The following DAAM2 variants were observed in gnomAD, a reference collection of about 807,000 sequenced individuals.
DAAM2 encodes disheveled-associated activator of morphogenesis 2.
DAAM2 carries 39 observed loss-of-function variants against 120.7 expected under a neutral mutation model. That is an observed-to-expected ratio of 0.32 (90% confidence interval 0.25 to 0.42). The LOEUF is 0.42. Ranked by LOEUF, DAAM2 falls within the 10% of genes least tolerant of loss-of-function variation. DAAM2 has a pLI of 1.00. For synonymous variants in DAAM2, 488 were observed against 524.9 expected, an observed-to-expected ratio of 0.93 and a Z score of 0.96; for missense variants, 1,283 against 1,401.7, an observed-to-expected ratio of 0.92 and a Z score of 1.35.
intron 17 of DAAM2, 137 bp from the exon 18 acceptor site, chr6:39,891,204 A>C (rs1264674039): frequency 1.6e-6 from 1 of 626,048 alleles, no homozygotes; most frequent in Non-Finnish European, 2.9e-6. Flanking sequence ...GATGAAAGAA[A>C]TCTGTCCACA....
At chr6:39,853,027 C>A (rs1046914469) in intron 1 of DAAM2, among the ~76,000 whole-genome samples, 2 of 152,154 alleles carry the variant, frequency 1.3e-5, no homozygotes, top group Non-Finnish European at 2.9e-5. Flanking sequence ...TATGGGGGAG[C>A]TGAAGGCAAG....
rs1765016444 is a variant in DAAM2, at chr6:39,879,336, C to G, written c.1704C>G (p.Pro568=). Residue 568 remains proline, a synonymous_variant, in exon 14 of 25, where the codon CCC becomes CCG. Coordinates refer to ENST00000274867, the MANE Select transcript of DAAM2 (RefSeq NM_001201427.2). The part of the protein sequence containing the change: ...PPLPPGGPPT[P]PGAPPCLGMG... ...TTCCTCCCGGGGGACCCCCGACTCC[C>G]CCAGGTGCCCCACCTTGCCTCGGCA... 20 of 1,608,026 alleles carry G rather than the reference C, an allele frequency of 1.2e-5. No individual in the cohort carries two copies. Among genetic ancestry groups the G allele is most frequent in the Non-Finnish European group, 1.7e-5 (20 of 1,175,768 alleles).
At chr6:39,826,798 A>G (rs558711382) in intron 1 of DAAM2, among the ~76,000 whole-genome samples, 37 of 152,220 alleles carry the variant, frequency 2.4e-4, no homozygotes, top group Admixed American at 2.4e-3. Flanking sequence ...TGTAACTTCA[A>G]CTTGGCAAAT....
At chr6:39,793,539 C>T (rs1761611511) in intron 1 of DAAM2, among the ~76,000 whole-genome samples, 1 of 148,584 alleles carries the variant, frequency 6.7e-6, no homozygotes, top group African/African-American at 2.5e-5. Context: ...GGAAAAGAGT[C>T]CCCATAGGTT....
intron 1 of DAAM2, among the ~76,000 whole-genome samples, chr6:39,809,151 G>A (rs2114049368): frequency 6.6e-6 from 1 of 152,274 alleles, no homozygotes; most frequent in Non-Finnish European, 1.5e-5. Flanking sequence ...AGCAAGGAGT[G>A]GTGTCGTCAG....
chr6:39,804,504 C>T (rs1761953449), intron 1 of DAAM2, among the ~76,000 whole-genome samples: 1 of 148,456 alleles, frequency 6.7e-6, no homozygotes, highest in South Asian at 2.2e-4. Flanking sequence ...TGCACTGGTC[C>T]AGAAAGAGAG....
At chr6:39,893,586 A>C (rs999828939) in intron 19 of DAAM2, among the ~76,000 whole-genome samples, 4 of 152,184 alleles carry the variant, frequency 2.6e-5, no homozygotes, top group African/African-American at 9.7e-5. Flanking sequence ...TATCAAGCTA[A>C]GCCGAGTAAG....
At chr6:39,864,616 C>T (rs981765531) in intron 4 of DAAM2, 109 bp downstream of exon 4, 15 of 819,178 alleles carry the variant, frequency 1.8e-5, no homozygotes, top group Non-Finnish European at 2.7e-5. Context: ...TACTGCTCCT[C>T]AGCGCCCCAC....
At chr6:39,861,169 G>C in intron 3 of DAAM2, 152 bp downstream of exon 3, 1 of 719,024 alleles carries the variant, frequency 1.4e-6, no homozygotes, top group South Asian at 1.5e-5. Context: ...AATAGAAAAA[G>C]GAAATTCTGC....
At chr6:39,856,560 G>A in intron 2 of DAAM2, 90 bp downstream of exon 2, 3 of 1,088,642 alleles carry the variant, frequency 2.8e-6, no homozygotes, top group Non-Finnish European at 3.7e-6. Flanking sequence ...CCCTGTGCTG[G>A]GGTCTCCATC....
rs376889683 is a variant in DAAM2 at position 39,879,372 on chromosome 6, C to T, written c.1740C>T (p.Pro580=). ...CACCTTGCCTCGGCATGGGCCTGCC[C>T]CTCCCTCAGGACCCCTACCCCAGCA... ...GAPPCLGMGL[P]LPQDPYPSSD... Residue 580 remains proline (P), a synonymous_variant, in exon 14 of 25, where the codon CCC becomes CCT. Transcript: ENST00000274867. The T allele has an allele frequency of 8.7e-6, 14 of 1,613,524 alleles. No individual in the cohort carries two copies. The highest frequency in any genetic ancestry group is 8.5e-6 in the Non-Finnish European group (10 of 1,179,686).
intron 5 of DAAM2, 182 bp from the exon 6 acceptor site, chr6:39,867,328 A>G: frequency 1.6e-6 from 1 of 609,322 alleles, no homozygotes; most frequent in Non-Finnish European, 2.9e-6. Context: ...AAATGCAAAT[A>G]AGACACAAGT....
At chr6:39,845,688 A>G (rs562202826) in intron 1 of DAAM2, among the ~76,000 whole-genome samples, 3 of 151,906 alleles carry the variant, frequency 2.0e-5, no homozygotes, top group Non-Finnish European at 2.9e-5. Flanking sequence ...AGCATCTCCT[A>G]TACTTGCTTG....
intron 16 of DAAM2, 78 bp from the exon 17 acceptor site, chr6:39,888,601 T>G: frequency 3.3e-6 from 4 of 1,218,626 alleles, no homozygotes; most frequent in Non-Finnish European, 4.8e-6. Flanking sequence ...TGTTAGGGAA[T>G]GAGGGAAGGC....
intron 1 of DAAM2, among the ~76,000 whole-genome samples, chr6:39,810,896 G>C (rs1414193644): frequency 6.6e-6 from 1 of 152,120 alleles, no homozygotes; most frequent in Admixed American, 6.5e-5. Flanking sequence ...GGTAAAGCAG[G>C]CTATTCTTTA....
intron 19 of DAAM2, among the ~76,000 whole-genome samples, chr6:39,895,680 A>C (rs1341575733): frequency 2.0e-5 from 3 of 152,244 alleles, no homozygotes; most frequent in Non-Finnish European, 2.9e-5. Context: ...TGAATATTCA[A>C]AAATCATATT....
At chr6:39,897,445 T>G in intron 21 of DAAM2, 163 bp downstream of exon 21, 1 of 584,806 alleles carries the variant, frequency 1.7e-6, no homozygotes, top group Non-Finnish European at 3.1e-6. Flanking sequence ...GCAAAGGGGG[T>G]TTAGCATAGA....
At chr6:39,815,420 G>T (rs946876302) in intron 1 of DAAM2, among the ~76,000 whole-genome samples, 6 of 152,114 alleles carry the variant, frequency 3.9e-5, no homozygotes, top group Non-Finnish European at 8.8e-5. Flanking sequence ...TGAGCAAGTG[G>T]CATAAATTCC....
chr6:39,886,461 G>C (rs904444066), intron 15 of DAAM2: 2 of 399,284 alleles, frequency 5.0e-6, no homozygotes, highest in Non-Finnish European at 8.8e-6. Flanking sequence ...AGTTACTCTC[G>C]GGGCTCTGAC....
Sources: gnomAD v4.1 joint callset for allele counts (sites outside exome capture counted in the v4.1 genomes callset) on GRCh38, gnomAD v4.1.1 for gene constraint, MANE v1.5 for transcripts, NCBI Gene and HGNC (gene_info 2026-07-23, HGNC 2026-07-21) for gene names.